The following SLC22A15 variants were observed in gnomAD, a reference collection of about 807,000 sequenced individuals.
The protein encoded by SLC22A15 is flipt 1.
A neutral mutation model predicts 62.7 loss-of-function variants in SLC22A15; 45 were observed. That is an observed-to-expected ratio of 0.72 (90% CI 0.56 to 0.92). The LOEUF is 0.92. SLC22A15 is among the 40% of genes least tolerant of loss of function. The pLI, the probability that SLC22A15 is intolerant of heterozygous loss-of-function variation, is 0.00. For synonymous variants in SLC22A15, 264 were observed against 267.0 expected (o/e 0.99, Z 0.11); for missense variants, 622 against 665.6 (o/e 0.93, Z 0.72).
At chr1:116,052,149 G>C (rs751596148) in intron 8 of SLC22A15, among the ~76,000 whole-genome samples, 1 of 152,350 alleles carries the variant, frequency 6.6e-6, no homozygotes, top group Non-Finnish European at 1.5e-5. Flanking sequence ...CCCTTTCCTG[G>C]TCAAGGAAAG....
At chr1:116,031,277 A>G (rs1657379090) in intron 5 of SLC22A15, 89 bp from the exon 6 acceptor site, 2 of 950,790 alleles carry the variant, frequency 2.1e-6, no homozygotes, top group East Asian at 5.3e-5. Context: ...TTTGTGGTGC[A>G]GGAATCCACG....
intron 2 of SLC22A15, among the ~76,000 whole-genome samples, chr1:116,006,171 G>A (rs1033768756): frequency 1.3e-5 from 2 of 152,036 alleles, no homozygotes; most frequent in African/African-American, 4.8e-5. Context: ...ATTTCCAGAG[G>A]GATACCATTA....
At chr1:116,065,834 A>G (rs1419648619) in intron 10 of SLC22A15, among the ~76,000 whole-genome samples, 3 of 152,182 alleles carry the variant, frequency 2.0e-5, no homozygotes, top group African/African-American at 7.2e-5. Flanking sequence ...AAAGCCCCAG[A>G]GAAACACCCT....
chr1:116,023,968 T>C (rs117169228), intron 4 of SLC22A15, among the ~76,000 whole-genome samples: 3 of 152,066 alleles, frequency 2.0e-5, no homozygotes, highest in Non-Finnish European at 4.4e-5. Flanking sequence ...AAGAGTGAAG[T>C]AACTGAGAGG....
At chr1:116,060,229 A>T (rs12084438) in intron 8 of SLC22A15, among the ~76,000 whole-genome samples, 3,122 of 152,350 alleles carry the variant, frequency 0.02, 106 homozygotes, top group African/African-American at 0.071. Flanking sequence ...TGAAATGGAC[A>T]TGGGCTATTT....
At chr1:116,023,619 G>A (rs1247815728) in intron 4 of SLC22A15, among the ~76,000 whole-genome samples, 2 of 152,152 alleles carry the variant, frequency 1.3e-5, no homozygotes, top group Non-Finnish European at 2.9e-5. Context: ...ATGATTTGGG[G>A]GAGGTTCTTG....
In SLC22A15 at chr1:115,984,213, T is replaced by C. The variant is rs142124836; in HGVS notation, c.87+7499T>C. ...CTAGCCATATAATTCTTCCCAGTTATGTAAAGATATATTCTTTACTTTCCT... is the reference window on the plus strand; with the variant it reads ...CTAGCCATATAATTCTTCCCAGTTACGTAAAGATATATTCTTTACTTTCCT... On this transcript the variant is annotated intron_variant, in intron 1 of 11. Transcript: ENST00000369503. Among the ~76,000 whole-genome samples, 257 of 152,364 alleles carry C rather than the reference T, an allele frequency of 1.7e-3. 3 individuals are homozygous for C. The highest frequency in any genetic ancestry group is 0.01 in the East Asian group (53 of 5,186).
chr1:115,994,046 C>T (rs964726173), intron 2 of SLC22A15, among the ~76,000 whole-genome samples: 1 of 152,150 alleles, frequency 6.6e-6, no homozygotes, highest in Non-Finnish European at 1.5e-5. Context: ...GCTTTTGTTC[C>T]TGTTCCAGTA....
intron 6 of SLC22A15, 51 bp downstream of exon 6, chr1:116,031,632 C>A: frequency 6.2e-7 from 1 of 1,602,896 alleles, no homozygotes; most frequent in Non-Finnish European, 8.5e-7. Context: ...GTTGCTCGAG[C>A]TTCTCTTGAT....
At position 116,001,474 on chromosome 1, in the gene SLC22A15, C is replaced by A. The variant is rs143658975; in HGVS notation, c.300+9231C>A. Among the ~76,000 whole-genome samples the A allele has an allele frequency of 4.6e-4, 70 of 152,128 alleles. 1 individual carries two copies. In the East Asian group the frequency reaches 0.012, roughly 26 times the overall value. On this transcript the variant is annotated intron_variant, in intron 2 of 11. Coordinates refer to ENST00000369503, the MANE Select transcript of SLC22A15 (RefSeq NM_018420.3). ...TTTAAGGGAAATAACTCTGTATTTG[C>A]TCTTTTGAAACTGTTTTCTAGATCC...
rs779630688 is a variant in SLC22A15 at position 115,976,670 on chromosome 1, A to G, written c.43A>G (p.Ile15Val). 7.6e-6 allele frequency: 12 copies of G among 1,587,502 alleles called. No homozygotes were observed. In the East Asian group the frequency reaches 2.1e-4, roughly 28 times the overall value. Residue 15 changes from isoleucine (I) to valine (V), a missense_variant, in exon 1 of 12, where the codon ATC (isoleucine) becomes GTC (valine). Coordinates refer to ENST00000369503, the MANE Select transcript of SLC22A15 (RefSeq NM_018420.3). ...EAFQAVGEMGIYQMYLCFLLA... is the reference protein window; with the variant it reads ...EAFQAVGEMGVYQMYLCFLLA... ...GTTCCAGGCGGTGGGGGAGATGGGC[A>G]TCTACCAGATGTACTTGTGCTTCCT... is the stretch of plus-strand genomic sequence containing the variant.
intron 1 of SLC22A15, among the ~76,000 whole-genome samples, chr1:115,987,618 A>G (rs778930905): frequency 5.9e-5 from 9 of 152,236 alleles, no homozygotes; most frequent in Non-Finnish European, 1.2e-4. Context: ...CACTGGGCAT[A>G]TAATCCTGTC....
intron 1 of SLC22A15, among the ~76,000 whole-genome samples, chr1:115,990,620 A>G (rs1388979560): frequency 6.6e-6 from 1 of 152,200 alleles, no homozygotes; most frequent in Non-Finnish European, 1.5e-5. Flanking sequence ...CTTGCCCTGT[A>G]TAATAAATCA....
intron 2 of SLC22A15, among the ~76,000 whole-genome samples, chr1:116,014,639 C>T (rs1452753791): frequency 6.6e-6 from 1 of 152,100 alleles, no homozygotes; most frequent in Non-Finnish European, 1.5e-5. Context: ...CATTCTGTGG[C>T]TTTAGAATTT....
chr1:116,058,413 C>T (rs536392687), intron 8 of SLC22A15, among the ~76,000 whole-genome samples: 33 of 152,126 alleles, frequency 2.2e-4, no homozygotes, highest in African/African-American at 6.0e-4. Flanking sequence ...AGCCACAGTG[C>T]GATACCATCT....
intron 9 of SLC22A15, 48 bp downstream of exon 9, chr1:116,062,930 A>G: frequency 6.2e-7 from 1 of 1,602,242 alleles, no homozygotes; most frequent in Non-Finnish European, 8.5e-7. Context: ...ACACTTTGTC[A>G]TCCATTCTTG....
In SLC22A15 at chr1:116,026,925, A is replaced by T; in HGVS notation, c.631A>T (p.Ile211Phe). 1 of 1,613,758 alleles carries T rather than the reference A, an allele frequency of 6.2e-7. No individual in the cohort carries two copies. Among genetic ancestry groups the T allele is most frequent in the Non-Finnish European group, 8.5e-7 (1 of 1,179,856 alleles). ...TGGCGGCCTGTTCTTTGCAGTTGGCATTGCCCAATATGCCCTGTTAGGATA... is the reference window on the plus strand; with the variant it reads ...TGGCGGCCTGTTCTTTGCAGTTGGCTTTGCCCAATATGCCCTGTTAGGATA... ...SIGGLFFAVG[I>F]AQYALLGYFI... The change falls in exon 5 of 12, where the codon ATT (isoleucine) becomes TTT (phenylalanine). Residue 211 changes from isoleucine (I) to phenylalanine (F), a missense_variant. Coordinates refer to ENST00000369503, the MANE Select transcript of SLC22A15 (RefSeq NM_018420.3).
rs1240029086 is a variant in SLC22A15, at chr1:116,031,490, G to A, written c.853G>A (p.Ala285Thr). ...LKCTFSLTHP[A>T]NRSCRETGSF... ...GTGCACGTTCTCACTAACACACCCA[G>A]CCAACAGGAGCTGCAGGGAGACTGG... Residue 285 changes from alanine to threonine, a missense_variant, in exon 6 of 12, where the codon GCC becomes ACC. Coordinates refer to ENST00000369503, the MANE Select transcript of SLC22A15 (RefSeq NM_018420.3). 1.1e-5 allele frequency: 17 copies of A among 1,613,836 alleles called. No homozygotes were observed. The Admixed American group carries it at 1.8e-4, about 17-fold the overall frequency.
chr1:116,017,990 A>G (rs1656622924), intron 2 of SLC22A15, among the ~76,000 whole-genome samples: 1 of 152,158 alleles, frequency 6.6e-6, no homozygotes, highest in Non-Finnish European at 1.5e-5. Flanking sequence ...ATACTAAAGG[A>G]GTTTCTTTTG....
Sources: allele counts gnomAD v4.1 joint callset (sites outside exome capture counted in the v4.1 genomes callset), GRCh38; gene constraint gnomAD v4.1.1; transcripts MANE v1.5; gene names NCBI Gene and HGNC (gene_info 2026-07-23, HGNC 2026-07-21).